CCDC59: variants seen among roughly 807,000 people sequenced by gnomAD.
CCDC59 encodes the protein thyroid transcription factor 1-associated protein 26.
In CCDC59, 27 loss-of-function variants were observed where a neutral mutation model predicts 30.5. The ratio of observed to expected loss-of-function variants is 0.89; its 90% confidence interval spans 0.65 to 1.22. The LOEUF is 1.22. CCDC59 is among the 50% of genes most tolerant of loss of function. CCDC59 has a pLI of 0.00. For synonymous variants in CCDC59, 125 were observed against 100.9 expected (o/e 1.24, Z -1.43); for missense variants, 362 against 284.4 (o/e 1.27, Z -1.96).
rs553203796 is a variant in CCDC59 at position 82,353,189 on chromosome 12, T to C, written c.688A>G (p.Met230Val). Reference protein sequence around the residue: ...KKGQPNLNVQMEYLLQKIQEK... With the variant: ...KKGQPNLNVQVEYLLQKIQEK... ...TGTATTTTTTGAAGAAGGTACTCCA[T>C]TTGTACATTCAAGTTTGGTTGGCCC... The change falls in exon 4 of 4, where the codon ATG (methionine) becomes GTG (valine). Residue 230 changes from methionine to valine, a missense_variant. Transcript: ENST00000256151. 73 of 1,608,874 alleles carry C rather than the reference T, an allele frequency of 4.5e-5. 1 individual carries two copies. In the South Asian group the frequency reaches 7.1e-4, roughly 16 times the overall value.
intron 1 of CCDC59, among the ~76,000 whole-genome samples, chr12:82,357,884 C>T (rs1881162619): frequency 6.6e-6 from 1 of 152,190 alleles, no homozygotes; most frequent in Admixed American, 6.5e-5. Flanking sequence ...AGCAGTGTTT[C>T]TGGCCCTGTC....
rs1300305544 is a variant in CCDC59, at chr12:82,356,957, T to C, written c.464+3A>G. The C allele has an allele frequency of 6.3e-7, 1 of 1,594,010 alleles. No individual in the cohort carries two copies. The highest frequency in any genetic ancestry group is 1.7e-5 in the Admixed American group (1 of 59,284). On this transcript the variant is annotated splice_donor_region_variant and intron_variant, in intron 2 of 3. Transcript: ENST00000256151. The stretch of plus-strand genomic sequence containing the variant: ...AAGGATTTCAAATGAAGAAAATACA[T>C]ACTTTACTGTTTTAATACATTGTTC...
intron 2 of CCDC59, 69 bp downstream of exon 2, chr12:82,356,891 A>G: frequency 4.1e-6 from 5 of 1,215,494 alleles, no homozygotes; most frequent in Non-Finnish European, 5.7e-6. Flanking sequence ...ATTCCTATAT[A>G]AATTATCCTA....
intron 3 of CCDC59, among the ~76,000 whole-genome samples, 185 bp downstream of exon 3, chr12:82,354,310 C>G (rs10778890): frequency 1 from 151,700 of 152,206 alleles, 75,599 homozygotes; most frequent in Middle Eastern, 1. Flanking sequence ...TATTGCTTGA[C>G]ATAATACAAG....
chr12:82,358,411 A>G (rs915354854), upstream of CCDC59: 4 of 1,610,028 alleles, frequency 2.5e-6, no homozygotes, highest in African/African-American at 4.0e-5. Flanking sequence ...GAAGACCACG[A>G]CGGACGCCCA....
intron 2 of CCDC59, chr12:82,355,614 G>A (rs1269114615): frequency 6.6e-6 from 1 of 152,204 alleles, no homozygotes; most frequent in Non-Finnish European, 1.5e-5. Context: ...AAATTCCCAA[G>A]TAAAAGACAT....
chr12:82,358,220 T>C lies in CCDC59; in HGVS notation c.154+3A>G. On this transcript the variant is annotated splice_donor_region_variant and intron_variant, in intron 1 of 3. Coordinates refer to ENST00000256151, the MANE Select transcript of CCDC59 (RefSeq NM_014167.5). ...ATTTGCAAATGGTTGCCTTCTTACA[T>C]ACCCTCGCGAACGCTCCCCACGAAG... The C allele has an allele frequency of 6.2e-7, 1 of 1,614,208 alleles. No homozygotes were observed. The highest frequency in any genetic ancestry group is 8.5e-7 in the Non-Finnish European group (1 of 1,180,030).
chr12:82,358,610 G>A, upstream of CCDC59: 1 of 1,613,544 alleles, frequency 6.2e-7, no homozygotes. Context: ...ACCTGCCCAC[G>A]CTGCGTGCCA....
In CCDC59 at chr12:82,353,274, T is replaced by C. The variant is rs1296306711; in HGVS notation, c.603A>G (p.Gln201=). ...CCATTTTCTTCTTTTTGTACTGCCTTTGGGCTTCTTCTCTCTCCTGTTTTC... is the reference window on the plus strand; with the variant it reads ...CCATTTTCTTCTTTTTGTACTGCCTCTGGGCTTCTTCTCTCTCCTGTTTTC... ...ERRKQEREEA[Q]RQYKKKKMEV... is the part of the protein sequence containing the mutation. Residue 201 remains glutamine (Q), a synonymous_variant, in exon 4 of 4, where the codon CAA becomes CAG. Transcript: ENST00000256151. The C allele has an allele frequency of 6.2e-7, 1 of 1,610,456 alleles. No individual in the cohort carries two copies. Among genetic ancestry groups the C allele is most frequent in the Non-Finnish European group, 8.5e-7 (1 of 1,178,882 alleles).
At chr12:82,353,492 C>T (rs550961290) in intron 3 of CCDC59, among the ~76,000 whole-genome samples, 180 bp from the exon 4 acceptor site, 2 of 152,214 alleles carry the variant, frequency 1.3e-5, no homozygotes, top group East Asian at 3.9e-4. Context: ...ATTATAATGA[C>T]CCATGGTATA....
At chr12:82,354,350 A>G (rs1880934124) in intron 3 of CCDC59, 145 bp downstream of exon 3, 1 of 536,034 alleles carries the variant, frequency 1.9e-6, no homozygotes, top group African/African-American at 2.0e-5. Flanking sequence ...GCAATCCTCT[A>G]CCTTTGCTCA....
Position 82,352,996 on chromosome 12 carries a change from A to C in CCDC59, c.*155T>G. ...AAGAAACATGTAGAACATATTTAGA[A>C]AATTTTTTACCATAATAAAAATATG... On this transcript the variant is annotated 3_prime_UTR_variant, in exon 4 of 4. Coordinates refer to ENST00000256151, the MANE Select transcript of CCDC59 (RefSeq NM_014167.5). The C allele has an allele frequency of 1.8e-6, 1 of 571,306 alleles. No individual in the cohort carries two copies. Among genetic ancestry groups the C allele is most frequent in the Non-Finnish European group, 2.9e-6 (1 of 344,994 alleles). 35.4% of individuals were successfully genotyped at this position (571,306 alleles called of 1,614,324 possible). A position where few individuals can be genotyped will look rare whatever the true frequency, so the allele number is the denominator to read the frequency against.
chr12:82,356,463 A>G (rs1188024445), intron 2 of CCDC59, among the ~76,000 whole-genome samples: 1 of 152,234 alleles, frequency 6.6e-6, no homozygotes, highest in Non-Finnish European at 1.5e-5. Flanking sequence ...AGTTTATGTG[A>G]GTAATCCATT....
At chr12:82,356,647 C>G (rs1881028603) in intron 2 of CCDC59, among the ~76,000 whole-genome samples, 1 of 152,136 alleles carries the variant, frequency 6.6e-6, no homozygotes, top group African/African-American at 2.4e-5. Flanking sequence ...ATTATAACAC[C>G]TCTCAGAAGT....
At chr12:82,356,552 G>C (rs543558061) in intron 2 of CCDC59, among the ~76,000 whole-genome samples, 1 of 152,294 alleles carries the variant, frequency 6.6e-6, no homozygotes, top group African/African-American at 2.4e-5. Flanking sequence ...AGGACATAGT[G>C]TTATTTTTCC....
At chr12:82,356,215 A>T (rs1881004836) in intron 2 of CCDC59, 1 of 152,102 alleles carries the variant, frequency 6.6e-6, no homozygotes, top group African/African-American at 2.4e-5. Flanking sequence ...ATTGTTTTTT[A>T]ACTTTAAGTA....
intron 1 of CCDC59, 42 bp downstream of exon 1, chr12:82,358,181 T>C (rs374185597): frequency 4.5e-5 from 72 of 1,612,556 alleles, no homozygotes; most frequent in Admixed American, 4.2e-4. Context: ...TCCTAAAACT[T>C]AGCAAGCCTG....
At chr12:82,357,382 GTAT>G in intron 1 of CCDC59, 113 bp from the exon 2 acceptor site, 2 of 846,500 alleles carry the variant, frequency 2.4e-6, no homozygotes, top group Non-Finnish European at 3.6e-6. Flanking sequence ...TCAGATTCTA[GTAT>G]TATATTTTGC....
At position 82,352,841 on chromosome 12, in the gene CCDC59, C is replaced by G. The variant is rs1050295126; in HGVS notation, c.*310G>C. 1 of 181,292 alleles carries G rather than the reference C, an allele frequency of 5.5e-6. No homozygotes were observed. Among genetic ancestry groups the G allele is most frequent in the African/African-American group, 2.3e-5 (1 of 42,590 alleles). 11.2% of individuals were successfully genotyped at this position (181,292 alleles called of 1,614,324 possible). ...AAATGCTTCATTGATAGCTCTGATT[C>G]CTTATTTTTAAAAAATTTATTTCAT... On this transcript the variant is annotated 3_prime_UTR_variant, in exon 4 of 4. Transcript: ENST00000256151.
Sources: gnomAD v4.1 joint callset for allele counts (sites outside exome capture counted in the v4.1 genomes callset) on GRCh38, gnomAD v4.1.1 for gene constraint, MANE v1.5 for transcripts, NCBI Gene and HGNC (gene_info 2026-07-23, HGNC 2026-07-21) for gene names.